Variants in ZNF804B observed in about 807,000 individuals in gnomAD.
The protein encoded by ZNF804B is zinc finger protein 804B, also known as zinc finger 804B.
In ZNF804B, 80 loss-of-function variants were observed where a neutral mutation model predicts 101.4. The observed-to-expected ratio is 0.79, with a 90% CI of 0.66 to 0.95. The LOEUF (loss-of-function observed/expected upper bound fraction) is 0.95, where lower values mean the gene tolerates loss of function less well. Ranked by LOEUF, ZNF804B falls within the 40% of genes least tolerant of loss-of-function variation. The pLI is 0.00. For synonymous variants in ZNF804B, 622 were observed against 558.8 expected (o/e 1.11, Z -1.59); for missense variants, 1,673 against 1,561.9 (o/e 1.07, Z -1.20).
Position 89,155,946 on chromosome 7 carries a change from TCCTA to T in ZNF804B, c.109-62205_109-62202del, listed in dbSNP as rs1189561041. 1.5e-4 allele frequency among the ~76,000 whole-genome samples: 23 copies of T among 151,606 alleles called. No individual in the cohort carries two copies. The South Asian group carries it at 2.3e-3, about 15-fold the overall frequency. On this transcript the variant is annotated intron_variant, in intron 1 of 3. Transcript: ENST00000333190. Reference sequence around the variant, plus strand: ...TCCCTTGCTTTCCCTTTCTCTCCCTTCCTACCTTCCCTCCTCTGTCTCTCTCTCT... The same window carrying T: ...TCCCTTGCTTTCCCTTTCTCTCCCTTCCTTCCCTCCTCTGTCTCTCTCTCT...
In ZNF804B at chr7:88,948,903, TTTATC is replaced by T. The variant is rs1176964364; in HGVS notation, c.108+188823_108+188827del. Among the ~76,000 whole-genome samples the T allele has an allele frequency of 5.0e-4, 76 of 151,962 alleles. 1 individual carries two copies. Among genetic ancestry groups the T allele is most frequent in the South Asian group, 4.1e-4 (2 of 4,830 alleles). On this transcript the variant is annotated intron_variant, in intron 1 of 3. Transcript: ENST00000333190. ...TTTTCTAGTCCGCGATCACAGAAGTTTTATCTTAACTTCTCTAGAGTTTCAGATTT... is the reference window on the plus strand; with the variant it reads ...TTTTCTAGTCCGCGATCACAGAAGTTTTAACTTCTCTAGAGTTTCAGATTT...
chr7:88,762,966 A>G (rs1718247909), intron 1 of ZNF804B, among the ~76,000 whole-genome samples: 1 of 152,150 alleles, frequency 6.6e-6, no homozygotes, highest in African/African-American at 2.4e-5. Flanking sequence ...ATATTCAATA[A>G]AACAATTATT....
intron 1 of ZNF804B, among the ~76,000 whole-genome samples, chr7:88,934,693 C>T (rs190439281): frequency 3.9e-5 from 6 of 152,018 alleles, no homozygotes; most frequent in Admixed American, 1.3e-4. Flanking sequence ...CAATGAGATA[C>T]CACCTTACTC....
chr7:89,282,118 G>T (rs1005020640), intron 2 of ZNF804B, among the ~76,000 whole-genome samples: 1 of 149,630 alleles, frequency 6.7e-6, no homozygotes, highest in East Asian at 2.0e-4. Context: ...GGAGAATGGT[G>T]TGAACCTGGG....
At chr7:89,105,770 C>T (rs546320054) in intron 1 of ZNF804B, among the ~76,000 whole-genome samples, 1 of 152,228 alleles carries the variant, frequency 6.6e-6, no homozygotes, top group East Asian at 1.9e-4. Flanking sequence ...CCAAGGATAC[C>T]TCTGACATTC....
At chr7:88,964,288 A>G (rs1793426698) in intron 1 of ZNF804B, among the ~76,000 whole-genome samples, 2 of 151,546 alleles carry the variant, frequency 1.3e-5, no homozygotes, top group South Asian at 4.1e-4. Flanking sequence ...CCAAATGTCT[A>G]TCAACAGATG....
chr7:89,202,127 C>G (rs932769878), intron 1 of ZNF804B, among the ~76,000 whole-genome samples: 9 of 152,080 alleles, frequency 5.9e-5, no homozygotes, highest in African/African-American at 2.2e-4. Context: ...TCCAAGCATT[C>G]ATATCATAAC....
At chr7:88,912,579 T>C (rs1023578517) in intron 1 of ZNF804B, among the ~76,000 whole-genome samples, 1 of 152,094 alleles carries the variant, frequency 6.6e-6, no homozygotes, top group Non-Finnish European at 1.5e-5. Flanking sequence ...TAAACTTTTG[T>C]GTATAGAGTG....
chr7:88,871,803 T>C (rs1471252954), intron 1 of ZNF804B, among the ~76,000 whole-genome samples: 4 of 151,662 alleles, frequency 2.6e-5, no homozygotes, highest in Admixed American at 1.3e-4. Context: ...ATCTCAACTA[T>C]AAAAAAATAC....
At chr7:88,896,423 A>G (rs527279287) in intron 1 of ZNF804B, among the ~76,000 whole-genome samples, 1 of 152,330 alleles carries the variant, frequency 6.6e-6, no homozygotes, top group South Asian at 2.1e-4. Flanking sequence ...TAATGAAACT[A>G]AAATTTGGGA....
chr7:88,948,368 C>T (rs1171835532), intron 1 of ZNF804B, among the ~76,000 whole-genome samples: 5 of 134,540 alleles, frequency 3.7e-5, no homozygotes, highest in East Asian at 2.2e-4. Context: ...TGGAGTGCAG[C>T]GGTATGATCA....
intron 1 of ZNF804B, among the ~76,000 whole-genome samples, chr7:88,944,192 C>T (rs1438053364): frequency 6.6e-6 from 1 of 151,694 alleles, no homozygotes; most frequent in South Asian, 2.1e-4. Context: ...TCCAAAGTGG[C>T]TATATCATGT....
chr7:88,828,704 A>G (rs1184254101), intron 1 of ZNF804B, among the ~76,000 whole-genome samples: 1 of 152,154 alleles, frequency 6.6e-6, no homozygotes, highest in African/African-American at 2.4e-5. Flanking sequence ...TAAAAATACT[A>G]ATTTGCATCT....
chr7:89,036,358 A>G (rs1276847210), intron 1 of ZNF804B, among the ~76,000 whole-genome samples: 1 of 151,814 alleles, frequency 6.6e-6, no homozygotes, highest in African/African-American at 2.4e-5. Flanking sequence ...TGCACAGACA[A>G]AATGCTTAAT....
intron 1 of ZNF804B, among the ~76,000 whole-genome samples, chr7:88,876,357 AT>A (rs1192361220): frequency 6.6e-6 from 1 of 152,174 alleles, no homozygotes; most frequent in Non-Finnish European, 1.5e-5. Flanking sequence ...AGTTGAATTA[AT>A]TTTTGCTGCT....
intron 2 of ZNF804B, among the ~76,000 whole-genome samples, chr7:89,319,887 G>A (rs1392766052): frequency 6.6e-6 from 1 of 152,112 alleles, no homozygotes; most frequent in Admixed American, 6.5e-5. Flanking sequence ...AGAAAAAGAA[G>A]CATGTCTGTT....
chr7:88,937,751 C>T (rs951121351), intron 1 of ZNF804B, among the ~76,000 whole-genome samples: 7 of 152,006 alleles, frequency 4.6e-5, no homozygotes, highest in African/African-American at 7.2e-5. Flanking sequence ...AATATGTGTG[C>T]ACCTTTCATA....
At chr7:89,175,006 G>T (rs1216760349) in intron 1 of ZNF804B, among the ~76,000 whole-genome samples, 9 of 151,864 alleles carry the variant, frequency 5.9e-5, no homozygotes, top group Non-Finnish European at 8.8e-5. Context: ...TTGTCAGATG[G>T]ATAGTTTGCA....
intron 1 of ZNF804B, among the ~76,000 whole-genome samples, chr7:89,185,688 C>G (rs1367636129): frequency 6.6e-6 from 1 of 152,000 alleles, no homozygotes; most frequent in Non-Finnish European, 1.5e-5. Flanking sequence ...TGGTGAAAAC[C>G]TGTCTTACTA....
Sources: allele counts gnomAD v4.1 joint callset (sites outside exome capture counted in the v4.1 genomes callset), GRCh38; gene constraint gnomAD v4.1.1; transcripts MANE v1.5; gene names NCBI Gene and HGNC (gene_info 2026-07-23, HGNC 2026-07-21).